The following ZW10 variants were observed in gnomAD, a reference collection of about 807,000 sequenced individuals.
ZW10 encodes centromere/kinetochore protein zw10 homolog.
In ZW10, 53 loss-of-function variants were observed where a neutral mutation model predicts 87.8. That is an observed-to-expected ratio of 0.60 (90% CI 0.48 to 0.76). ZW10 has a LOEUF of 0.76. ZW10 is among the 30% of genes least tolerant of loss of function. ZW10 has a pLI of 0.00. For synonymous variants in ZW10, 312 were observed against 329.2 expected (o/e 0.95, Z 0.57); for missense variants, 837 against 923.0 (o/e 0.91, Z 1.21).
chr11:113,739,273 G>C lies in ZW10; in HGVS notation c.1693C>G (p.Pro565Ala), dbSNP rs1178653783. ...GTAGCAGTGCCATCACAAAGAATGG[G>C]GGCAAGACGCAATCTGAACTGATGC... ...LGHQFRLRLA[P>A]ILCDGTATFV... The change falls in exon 12 of 16, where the codon CCC becomes GCC. Residue 565 changes from proline to alanine, a missense_variant. Pro to Ala is a conservative substitution (Grantham distance 27). Coordinates refer to ENST00000200135, the MANE Select transcript of ZW10 (RefSeq NM_004724.4). 1 of 1,613,902 alleles carries C rather than the reference G, an allele frequency of 6.2e-7. No individual in the cohort carries two copies. Among genetic ancestry groups the C allele is most frequent in the Non-Finnish European group, 8.5e-7 (1 of 1,179,924 alleles).
chr11:113,757,423 A>T (rs970185761), intron 7 of ZW10, among the ~76,000 whole-genome samples: 39 of 152,212 alleles, frequency 2.6e-4, no homozygotes, highest in African/African-American at 9.4e-4. Context: ...CTAAAATAAT[A>T]TCACAAATAC....
At chr11:113,761,567 C>T (rs956522453) in intron 2 of ZW10, among the ~76,000 whole-genome samples, 3 of 152,126 alleles carry the variant, frequency 2.0e-5, no homozygotes, top group Non-Finnish European at 4.4e-5. Flanking sequence ...AGGCATGAGC[C>T]ATGGCACCCT....
chr11:113,745,107 G>A (rs1209994239), intron 9 of ZW10, among the ~76,000 whole-genome samples: 1 of 149,952 alleles, frequency 6.7e-6, no homozygotes, highest in Non-Finnish European at 1.5e-5. Flanking sequence ...AAAAAAAAAA[G>A]CTTCAATAGA....
intron 2 of ZW10, among the ~76,000 whole-genome samples, chr11:113,768,211 C>T (rs1358220844): frequency 6.6e-6 from 1 of 152,098 alleles, no homozygotes; most frequent in Non-Finnish European, 1.5e-5. Context: ...AATATTTCTC[C>T]CATATGACAG....
chr11:113,770,083 C>CTTTTTTTTTTTTTTTTT (rs34348055), intron 1 of ZW10: 1 of 103,182 alleles, frequency 9.7e-6, no homozygotes, highest in Admixed American at 1.1e-4. Flanking sequence ...TGTTAAATTT[C>CTTTTTTTTTTTTTTTTT]TTTTTTTTTT....
intron 7 of ZW10, among the ~76,000 whole-genome samples, chr11:113,753,394 G>GTTTTGTT (rs1953753421): frequency 6.6e-6 from 1 of 152,060 alleles, no homozygotes; most frequent in Non-Finnish European, 1.5e-5. Flanking sequence ...TATGGAGAAA[G>GTTTTGTT]TTTTGTTTTT....
In ZW10 at chr11:113,739,296, T is replaced by G; in HGVS notation, c.1670A>C (p.His557Pro). The G allele has an allele frequency of 6.2e-7, 1 of 1,613,994 alleles. No homozygotes were observed. Among genetic ancestry groups the G allele is most frequent in the East Asian group, 2.2e-5 (1 of 44,864 alleles). ...YIAHHLLTLGHQFRLRLAPIL... is the reference protein window; with the variant it reads ...YIAHHLLTLGPQFRLRLAPIL... ...GGGGGCAAGACGCAATCTGAACTGA[T>G]GCCCGAGGGTCAGCAAGTGGTGAGC... The change falls in exon 12 of 16, where the codon CAT becomes CCT. Residue 557 changes from histidine (H) to proline (P), a missense_variant. His to Pro is a moderately conservative substitution (Grantham distance 77). Transcript: ENST00000200135.
At chr11:113,772,344 C>G (rs1021655107) in intron 1 of ZW10, among the ~76,000 whole-genome samples, 1 of 152,072 alleles carries the variant, frequency 6.6e-6, no homozygotes, top group African/African-American at 2.4e-5. Flanking sequence ...AATCCGAAAG[C>G]CATATTAAAG....
At chr11:113,754,316 C>G (rs1038836065) in intron 7 of ZW10, among the ~76,000 whole-genome samples, 1 of 152,088 alleles carries the variant, frequency 6.6e-6, no homozygotes, top group Admixed American at 6.5e-5. Flanking sequence ...GAAACCCCGT[C>G]TCTACTAAAA....
At chr11:113,751,805 G>A (rs902765495) in intron 7 of ZW10, among the ~76,000 whole-genome samples, 1 of 152,122 alleles carries the variant, frequency 6.6e-6, no homozygotes, top group Admixed American at 6.5e-5. Context: ...AGGAAGTGGA[G>A]GTTGCAGTGA....
At chr11:113,754,672 A>G (rs1259941341) in intron 7 of ZW10, among the ~76,000 whole-genome samples, 2 of 152,098 alleles carry the variant, frequency 1.3e-5, no homozygotes, top group South Asian at 2.1e-4. Context: ...CAGTAACGTG[A>G]ACACAGCTCA....
At chr11:113,742,407 C>T (rs1953630161) in intron 10 of ZW10, among the ~76,000 whole-genome samples, 1 of 152,134 alleles carries the variant, frequency 6.6e-6, no homozygotes, top group African/African-American at 2.4e-5. Flanking sequence ...ACAGGGATTT[C>T]ATAAATATTT....
In ZW10 at chr11:113,739,379, C is replaced by T; in HGVS notation, c.1587G>A (p.Glu529=). Residue 529 remains glutamate (E), a synonymous_variant, in exon 12 of 16, where the codon GAG becomes GAA. Coordinates refer to ENST00000200135, the MANE Select transcript of ZW10 (RefSeq NM_004724.4). ...FHDVVPTYHK[E]NLQKLPQLAA... The stretch of plus-strand genomic sequence containing the variant: ...CCAACTGGGGAAGTTTTTGAAGGTT[C>T]TCCCTAGGCCAGAAGGAGGGGTAGA... 6.3e-7 allele frequency: 1 copy of T among 1,590,364 alleles called. No homozygotes were observed.
chr11:113,769,260 A>G (rs76191318), intron 1 of ZW10, among the ~76,000 whole-genome samples: 6 of 151,946 alleles, frequency 3.9e-5, no homozygotes, highest in South Asian at 4.2e-4. Context: ...AAAAAAAAAA[A>G]GGAAGACAAT....
At chr11:113,749,472 A>C (rs1953713666) in intron 7 of ZW10, among the ~76,000 whole-genome samples, 1 of 152,178 alleles carries the variant, frequency 6.6e-6, no homozygotes, top group African/African-American at 2.4e-5. Flanking sequence ...TCTTGATTGT[A>C]GTGGTGGTTA....
At chr11:113,750,928 T>C (rs140789251) in intron 7 of ZW10, among the ~76,000 whole-genome samples, 102 of 151,684 alleles carry the variant, frequency 6.7e-4, no homozygotes, top group African/African-American at 2.4e-3. Flanking sequence ...AGATTTTCAA[T>C]GAAGCAACCA....
chr11:113,739,127 T>C (rs1953584187), intron 12 of ZW10, 86 bp downstream of exon 12: 4 of 1,476,450 alleles, frequency 2.7e-6, no homozygotes, highest in South Asian at 1.3e-5. Flanking sequence ...ACCTAATTTC[T>C]AATTTTCTCA....
chr11:113,738,097 A>G (rs1477393594), intron 13 of ZW10, among the ~76,000 whole-genome samples, 167 bp downstream of exon 13: 1 of 151,614 alleles, frequency 6.6e-6, no homozygotes, highest in Non-Finnish European at 1.5e-5. Flanking sequence ...AGGGGAAGAA[A>G]AAGTTCTTAA....
intron 15 of ZW10, among the ~76,000 whole-genome samples, chr11:113,735,011 G>A (rs959995004): frequency 6.6e-6 from 1 of 152,138 alleles, no homozygotes; most frequent in Non-Finnish European, 1.5e-5. Context: ...CCCTCATGGA[G>A]AGCATTTGGA....
Sources: gnomAD v4.1 joint callset for allele counts (sites outside exome capture counted in the v4.1 genomes callset) on GRCh38, gnomAD v4.1.1 for gene constraint, MANE v1.5 for transcripts, NCBI Gene and HGNC (gene_info 2026-07-23, HGNC 2026-07-21) for gene names.